SAMD4A: variants seen among roughly 807,000 people sequenced by gnomAD.
SAMD4A encodes sterile alpha motif domain containing 4A.
A neutral mutation model predicts 81.3 loss-of-function variants in SAMD4A; 33 were observed. The observed-to-expected ratio is 0.41, with a 90% CI of 0.31 to 0.54. SAMD4A has a LOEUF of 0.54. SAMD4A is among the 20% of genes least tolerant of loss of function. The pLI is 0.37. For synonymous variants in SAMD4A, 389 were observed against 382.1 expected, an observed-to-expected ratio of 1.02 and a Z score of -0.21; for missense variants, 854 against 951.1, an observed-to-expected ratio of 0.90 and a Z score of 1.34.
intron 3 of SAMD4A, among the ~76,000 whole-genome samples, chr14:54,730,525 T>G (rs1299765194): frequency 6.6e-6 from 1 of 152,190 alleles, no homozygotes; most frequent in African/African-American, 2.4e-5. Flanking sequence ...CAAAGTCTGT[T>G]TAGGGGAATC....
chr14:54,700,414 A>G (rs1307561635), intron 2 of SAMD4A, among the ~76,000 whole-genome samples: 1 of 151,974 alleles, frequency 6.6e-6, no homozygotes, highest in Non-Finnish European at 1.5e-5. Context: ...TTTTGCTGGT[A>G]TTTTTCTTGA....
At chr14:54,703,446 T>A (rs1215742289) in intron 3 of SAMD4A, 2 of 152,220 alleles carry the variant, frequency 1.3e-5, no homozygotes, top group Non-Finnish European at 2.9e-5. Context: ...CGTTCCTTAA[T>A]GCTAGTTTGC....
At chr14:54,597,835 G>A (rs879350738) in intron 2 of SAMD4A, among the ~76,000 whole-genome samples, 74 of 151,910 alleles carry the variant, frequency 4.9e-4, no homozygotes, top group African/African-American at 1.6e-3. Context: ...CAAACTGCCC[G>A]CCTCAGTCTT....
At chr14:54,653,459 C>T (rs909097977) in intron 2 of SAMD4A, among the ~76,000 whole-genome samples, 6 of 151,748 alleles carry the variant, frequency 4.0e-5, no homozygotes, top group African/African-American at 1.2e-4. Context: ...TCTGCCTCAG[C>T]CTCCTGAGTA....
At chr14:54,682,803 C>G (rs2036159881) in intron 2 of SAMD4A, among the ~76,000 whole-genome samples, 1 of 152,186 alleles carries the variant, frequency 6.6e-6, no homozygotes, top group African/African-American at 2.4e-5. Flanking sequence ...TAGGCCAGCC[C>G]TGTTTTTCAG....
chr14:54,634,179 G>A (rs1002949558), intron 2 of SAMD4A, among the ~76,000 whole-genome samples: 5 of 151,196 alleles, frequency 3.3e-5, no homozygotes, highest in South Asian at 4.2e-4. Flanking sequence ...CCAGCTACTC[G>A]GGAGGCTGAG....
chr14:54,678,413 G>C (rs374240903), intron 2 of SAMD4A, among the ~76,000 whole-genome samples: 8 of 128,930 alleles, frequency 6.2e-5, no homozygotes, highest in African/African-American at 2.4e-4. Flanking sequence ...CCAATGTGTC[G>C]TATTTTGGGC....
chr14:54,735,994 A>T (rs1323484062), intron 3 of SAMD4A, among the ~76,000 whole-genome samples: 2 of 152,216 alleles, frequency 1.3e-5, no homozygotes, highest in Non-Finnish European at 2.9e-5. Context: ...TTAGTACAGC[A>T]GCAGTCAAAA....
At chr14:54,664,982 A>G (rs1483266189) in intron 2 of SAMD4A, among the ~76,000 whole-genome samples, 1 of 152,126 alleles carries the variant, frequency 6.6e-6, no homozygotes, top group African/African-American at 2.4e-5. Context: ...CCTAAAATAC[A>G]GTGTGTTTTA....
intron 3 of SAMD4A, 128 bp downstream of exon 3, chr14:54,702,708 C>A: frequency 8.6e-7 from 1 of 1,161,150 alleles, no homozygotes; most frequent in Non-Finnish European, 1.2e-6. Context: ...TTGGAATTGG[C>A]TGTGGGAAAG....
In SAMD4A at chr14:54,711,549, C is replaced by T. The variant is rs951363786; in HGVS notation, c.715+8969C>T. 3.9e-5 allele frequency among the ~76,000 whole-genome samples: 6 copies of T among 152,170 alleles called. No homozygotes were observed. The East Asian group carries it at 9.6e-4, about 24-fold the overall frequency. ...GAAGCTGGGTGATGGGTACATGAGACGTCTCTGGGTAGTATTTCTGCAATT... is the reference window on the plus strand; with the variant it reads ...GAAGCTGGGTGATGGGTACATGAGATGTCTCTGGGTAGTATTTCTGCAATT... On this transcript the variant is annotated intron_variant, in intron 3 of 12. Coordinates refer to ENST00000554335, the MANE Select transcript of SAMD4A (RefSeq NM_015589.6).
chr14:54,660,378 A>G (rs907958578), intron 2 of SAMD4A, among the ~76,000 whole-genome samples: 17 of 152,250 alleles, frequency 1.1e-4, no homozygotes, highest in African/African-American at 4.1e-4. Context: ...TCACTCAACC[A>G]TCCGCTTCTC....
rs989077250 is a variant in SAMD4A at position 54,635,049 on chromosome 14, G to T, written c.196+66937G>T. On this transcript the variant is annotated intron_variant, in intron 2 of 12. Transcript: ENST00000554335. The stretch of plus-strand genomic sequence containing the variant: ...AGGAACTTGTTTTTCAAGAACATTT[G>T]TAGATAAAAGTGAGTCTCATTTCTT... Among the ~76,000 whole-genome samples the T allele has an allele frequency of 2.0e-5, 3 of 152,284 alleles. No individual in the cohort carries two copies. The East Asian group carries it at 5.8e-4, about 29-fold the overall frequency.
rs192142175 is a variant in SAMD4A at position 54,577,426 on chromosome 14, A to T, written c.196+9314A>T. Among the ~76,000 whole-genome samples, 7 of 152,350 alleles carry T rather than the reference A, an allele frequency of 4.6e-5. No individual in the cohort carries two copies. In the East Asian group the frequency reaches 1.2e-3, roughly 25 times the overall value. ...AAAGTCTATGGATGAACCTAGAAGG[A>T]TAGCTCATGGCTTGATGACAGAATC... On this transcript the variant is annotated intron_variant, in intron 2 of 12. Transcript: ENST00000554335.
chr14:54,780,022 T>C (rs2038960892), intron 11 of SAMD4A, among the ~76,000 whole-genome samples: 4 of 152,138 alleles, frequency 2.6e-5, no homozygotes, highest in African/African-American at 7.2e-5. Flanking sequence ...GGCTTAGTTG[T>C]CCTTGGGATC....
At chr14:54,782,760 A>G (rs1259399508) in intron 11 of SAMD4A, among the ~76,000 whole-genome samples, 5 of 152,264 alleles carry the variant, frequency 3.3e-5, no homozygotes, top group African/African-American at 1.2e-4. Flanking sequence ...ACAATGGGAA[A>G]CACACATTGC....
chr14:54,756,662 C>A (rs1014052165), intron 6 of SAMD4A, among the ~76,000 whole-genome samples: 2 of 152,168 alleles, frequency 1.3e-5, no homozygotes, highest in Admixed American at 1.3e-4. Context: ...ATGTGAGAAT[C>A]CCAATTCTTA....
intron 2 of SAMD4A, chr14:54,689,633 A>G (rs982619272): frequency 5.9e-5 from 9 of 152,174 alleles, no homozygotes; most frequent in African/African-American, 2.2e-4. Context: ...AGTCACTTAG[A>G]GCACCTGATA....
intron 2 of SAMD4A, among the ~76,000 whole-genome samples, chr14:54,584,952 G>T (rs886921873): frequency 6.6e-6 from 1 of 152,024 alleles, no homozygotes; most frequent in African/African-American, 2.4e-5. Context: ...ATTGTAGAAA[G>T]ATTTAAAAAA....
Sources: gnomAD v4.1 joint callset for allele counts (sites outside exome capture counted in the v4.1 genomes callset) on GRCh38, gnomAD v4.1.1 for gene constraint, MANE v1.5 for transcripts, NCBI Gene and HGNC (gene_info 2026-07-23, HGNC 2026-07-21) for gene names.